DDX10: variants seen among roughly 807,000 people sequenced by gnomAD.
DDX10 encodes probable ATP-dependent RNA helicase DDX10.
A neutral mutation model predicts 104.3 loss-of-function variants in DDX10; 74 were observed. The ratio of observed to expected loss-of-function variants is 0.71; its 90% CI spans 0.59 to 0.86. The LOEUF (loss-of-function observed/expected upper bound fraction) is 0.86. Ranked by LOEUF, DDX10 falls within the 40% of genes least tolerant of loss-of-function variation. The pLI is 0.00. For synonymous variants in DDX10, 351 were observed against 353.4 expected, an observed-to-expected ratio of 0.99 and a Z score of 0.08; for missense variants, 952 against 1,040.0, an observed-to-expected ratio of 0.92 and a Z score of 1.16.
chr11:108,884,427 C>A (rs992569988), intron 16 of DDX10, among the ~76,000 whole-genome samples: 4 of 152,048 alleles, frequency 2.6e-5, no homozygotes, highest in Non-Finnish European at 4.4e-5. Context: ...CTCCCTCCTT[C>A]GTTTCTCACC....
At chr11:108,870,718 C>A (rs908554639) in intron 16 of DDX10, among the ~76,000 whole-genome samples, 2 of 152,172 alleles carry the variant, frequency 1.3e-5, no homozygotes, top group African/African-American at 4.8e-5. Flanking sequence ...CATAGTACTT[C>A]TCTCTACCAG....
chr11:108,928,283 C>T (rs991466986), intron 17 of DDX10, among the ~76,000 whole-genome samples: 1 of 152,192 alleles, frequency 6.6e-6, no homozygotes, highest in African/African-American at 2.4e-5. Context: ...ATCAGTCTCT[C>T]TCCTTATGCC....
At chr11:108,776,591 A>G (rs2094370205) in intron 13 of DDX10, among the ~76,000 whole-genome samples, 1 of 152,134 alleles carries the variant, frequency 6.6e-6, no homozygotes, top group African/African-American at 2.4e-5. Flanking sequence ...TAAATATAAT[A>G]TTATTCCCAT....
At chr11:108,800,213 A>G (rs1870925) in intron 13 of DDX10, among the ~76,000 whole-genome samples, 131,347 of 149,372 alleles carry the variant, frequency 0.88, 58,157 homozygotes, top group East Asian at 0.99. Context: ...GGAGGCCGAG[A>G]CAGGCGGATC....
chr11:108,727,673 A>G (rs1353796103), intron 13 of DDX10: 2 of 153,830 alleles, frequency 1.3e-5, no homozygotes, highest in African/African-American at 4.8e-5. Context: ...TACACCCACA[A>G]TCAAAACAGT....
intron 13 of DDX10, among the ~76,000 whole-genome samples, chr11:108,773,182 T>C (rs954455227): frequency 4.6e-5 from 7 of 152,248 alleles, no homozygotes; most frequent in African/African-American, 1.4e-4. Context: ...TTGTTACTTA[T>C]TGTTATGAAC....
intron 10 of DDX10, among the ~76,000 whole-genome samples, chr11:108,711,163 A>C (rs2094283747): frequency 6.6e-6 from 1 of 152,190 alleles, no homozygotes; most frequent in Non-Finnish European, 1.5e-5. Flanking sequence ...CAGTGCTATA[A>C]ATTTCCCTCT....
At position 108,762,983 on chromosome 11, in the gene DDX10, C is replaced by A. The variant is rs560776721; in HGVS notation, c.1965+39521C>A. On this transcript the variant is annotated intron_variant, in intron 13 of 17. Transcript: ENST00000322536. ...GTGTCTTTGAATTTCCCTATTATGC[C>A]TCAAAGAAATTGCAGCCACAAAGTG... Among the ~76,000 whole-genome samples the A allele has an allele frequency of 2.0e-5, 3 of 152,264 alleles. No individual in the cohort carries two copies. In the South Asian group the frequency reaches 6.2e-4, roughly 32 times the overall value.
At chr11:108,708,726 C>T (rs1488180178) in intron 10 of DDX10, among the ~76,000 whole-genome samples, 1 of 151,990 alleles carries the variant, frequency 6.6e-6, no homozygotes, top group Non-Finnish European at 1.5e-5. Flanking sequence ...TGCCACCATG[C>T]CTGGCTAAAT....
intron 16 of DDX10, among the ~76,000 whole-genome samples, chr11:108,914,832 C>A (rs1211870249): frequency 6.7e-4 from 9 of 13,366 alleles, no homozygotes; most frequent in South Asian, 5.5e-3. Flanking sequence ...AAATGGTAAC[C>A]ATTAAAAAAA....
intron 13 of DDX10, among the ~76,000 whole-genome samples, chr11:108,736,845 G>A (rs1373607209): frequency 2.6e-5 from 4 of 152,150 alleles, no homozygotes; most frequent in African/African-American, 7.2e-5. Flanking sequence ...CAGGTATTTT[G>A]TTATAGCAGC....
chr11:108,929,331 T>G (rs1440020159), intron 17 of DDX10, among the ~76,000 whole-genome samples: 1 of 152,122 alleles, frequency 6.6e-6, no homozygotes, highest in East Asian at 1.9e-4. Flanking sequence ...AGAAGAACCC[T>G]CTCTGAGGCA....
At chr11:108,758,054 C>T (rs2094346607) in intron 13 of DDX10, among the ~76,000 whole-genome samples, 1 of 151,976 alleles carries the variant, frequency 6.6e-6, no homozygotes, top group African/African-American at 2.4e-5. Flanking sequence ...GCCATAGTGG[C>T]AGCATTGTCT....
intron 17 of DDX10, 31 bp downstream of exon 17, chr11:108,918,049 A>G: frequency 6.3e-7 from 1 of 1,588,972 alleles, no homozygotes; most frequent in Non-Finnish European, 8.6e-7. Flanking sequence ...TGAAATACAT[A>G]CTTAGTACTC....
intron 9 of DDX10, among the ~76,000 whole-genome samples, chr11:108,703,994 C>G (rs1329483430): frequency 6.6e-6 from 1 of 152,014 alleles, no homozygotes; most frequent in Non-Finnish European, 1.5e-5. Context: ...TCTAAAATTC[C>G]ACTGTTACTA....
At chr11:108,781,528 A>T (rs1323228891) in intron 13 of DDX10, among the ~76,000 whole-genome samples, 1 of 152,170 alleles carries the variant, frequency 6.6e-6, no homozygotes, top group African/African-American at 2.4e-5. Context: ...AACTATATGG[A>T]GGGATTATCT....
intron 13 of DDX10, among the ~76,000 whole-genome samples, chr11:108,789,561 A>T (rs1861842817): frequency 6.6e-6 from 1 of 152,232 alleles, no homozygotes; most frequent in South Asian, 2.1e-4. Flanking sequence ...TTATTTGCAT[A>T]TGCAGTAAAG....
At chr11:108,871,604 C>G (rs558154349) in intron 16 of DDX10, among the ~76,000 whole-genome samples, 1 of 152,330 alleles carries the variant, frequency 6.6e-6, no homozygotes, top group East Asian at 1.9e-4. Flanking sequence ...CCAACTCCAT[C>G]CTCCTCCTTA....
At chr11:108,873,813 T>G (rs1863114413) in intron 16 of DDX10, among the ~76,000 whole-genome samples, 1 of 152,216 alleles carries the variant, frequency 6.6e-6, no homozygotes, top group Non-Finnish European at 1.5e-5. Flanking sequence ...TGAGAAAGTT[T>G]AGATGTCATT....
Sources: gnomAD v4.1 joint callset for allele counts (sites outside exome capture counted in the v4.1 genomes callset) on GRCh38, gnomAD v4.1.1 for gene constraint, MANE v1.5 for transcripts, NCBI Gene and HGNC (gene_info 2026-07-23, HGNC 2026-07-21) for gene names.